Variants in TFIP11 observed in about 807,000 individuals in gnomAD.
TFIP11 encodes the protein tuftelin interacting protein 11, also known as tuftelin-interacting protein 11.
TFIP11 carries 86 observed loss-of-function variants against 96.8 expected under a neutral mutation model. The ratio of observed to expected loss-of-function variants is 0.89; its 90% CI spans 0.75 to 1.06. The LOEUF (loss-of-function observed/expected upper bound fraction) is 1.06, where lower values mean the gene tolerates loss of function less well. TFIP11 is among the 50% of genes least tolerant of loss of function. TFIP11 has a pLI of 0.00. For missense variants in TFIP11, 881 were observed against 1,076.7 expected, an observed-to-expected ratio of 0.82 and a Z score of 2.54; for synonymous variants, 405 against 395.2, an observed-to-expected ratio of 1.02 and a Z score of -0.29.
At chr22:26,496,038 T>A in intron 12 of TFIP11, 35 bp downstream of exon 12, 1 of 1,603,092 alleles carries the variant, frequency 6.2e-7, no homozygotes, top group South Asian at 1.1e-5. Context: ...GCACCAAAGC[T>A]GCTGGGCTTG....
intron 5 of TFIP11, 142 bp from the exon 6 acceptor site, chr22:26,506,601 G>A (rs1392301153): frequency 1.8e-5 from 23 of 1,287,960 alleles, no homozygotes; most frequent in Non-Finnish European, 2.5e-5. Context: ...GTGTGATAAC[G>A]TGTCAGGAAG....
At position 26,501,981 on chromosome 22, in the gene TFIP11, G is replaced by T. The variant is rs781437423; in HGVS notation, c.720C>A (p.Tyr240Ter). The T allele has an allele frequency of 1.2e-6, 2 of 1,613,704 alleles. No individual in the cohort carries two copies. The highest frequency in any genetic ancestry group is 1.3e-5 in the African/African-American group (1 of 74,846). The change falls in exon 8 of 15, where the codon TAC (tyrosine) becomes TAA (stop). Residue 240 changes from tyrosine to a stop codon, truncating the protein, a stop_gained. Coordinates refer to ENST00000407690, the MANE Select transcript of TFIP11 (RefSeq NM_012143.4). LOFTEE classifies it high-confidence loss of function. ...TGGCCTTCAACTCTTCCACGGTCTT[G>T]TAAGAGTATTTGGGCTTCTTCTTGC... ...SGSKKKPKYS[Y>*]KTVEELKAKG...
chr22:26,502,001 T>C lies in TFIP11; in HGVS notation c.700A>G (p.Lys234Glu). Residue 234 changes from lysine to glutamate, a missense_variant, in exon 8 of 15, where the codon AAG becomes GAG. By Grantham distance (56) the Lys-to-Glu change is moderately conservative. Coordinates refer to ENST00000407690, the MANE Select transcript of TFIP11 (RefSeq NM_012143.4). ...GTCTTGTAAGAGTATTTGGGCTTCT[T>C]CTTGCTTCCACTTGGGTCTTTCCTC... Reference protein sequence around the residue: ...QWRKDPSGSKKKPKYSYKTVE... With the variant: ...QWRKDPSGSKEKPKYSYKTVE... The C allele has an allele frequency of 1.2e-6, 2 of 1,613,984 alleles. No individual in the cohort carries two copies. The highest frequency in any genetic ancestry group is 1.7e-6 in the Non-Finnish European group (2 of 1,180,012).
chr22:26,501,894 C>G lies in TFIP11; in HGVS notation c.801+6G>C. 1 of 1,611,366 alleles carries G rather than the reference C, an allele frequency of 6.2e-7. No homozygotes were observed. The highest frequency in any genetic ancestry group is 8.5e-7 in the Non-Finnish European group (1 of 1,178,850). ...TCCTGTACCAGGTGTCCAAGGGCCC[C>G]TGTACCTTGACTTGAGAAAGTTCCT... On this transcript the variant is annotated splice_donor_region_variant and intron_variant, in intron 8 of 14. Transcript: ENST00000407690.
At position 26,495,102 on chromosome 22, in the gene TFIP11, C is replaced by T. The variant is rs187474512; in HGVS notation, c.1850-163G>A. Among the ~76,000 whole-genome samples the T allele has an allele frequency of 3.0e-3, 462 of 152,182 alleles. 3 individuals carry two copies. Among genetic ancestry groups the T allele is most frequent in the African/African-American group, 0.01 (435 of 41,518 alleles). On this transcript the variant is annotated intron_variant, in intron 12 of 14. Transcript: ENST00000407690. ...TCAGCCTCCCGAGTAGCTGGGAGTA[C>T]AGGTGTGCACCACCGTGGCCAACTA...
At chr22:26,503,856 C>T in intron 6 of TFIP11, 63 bp from the exon 7 acceptor site, 1 of 1,583,108 alleles carries the variant, frequency 6.3e-7, no homozygotes, top group Non-Finnish European at 8.6e-7. Context: ...GTATGTGAAT[C>T]AGCCACTCAG....
chr22:26,491,945 A>T lies in TFIP11; in HGVS notation c.*68T>A. 7.1e-7 allele frequency: 1 copy of T among 1,415,524 alleles called. No individual in the cohort carries two copies. The highest frequency in any genetic ancestry group is 9.6e-7 in the Non-Finnish European group (1 of 1,038,806). The allele number at this position is 1,415,524 out of a possible 1,614,324, so 87.7% of individuals were successfully genotyped here. Reference sequence around the variant, plus strand: ...GTTACCCTTTTGAAGGTGATCTAAAAATACTGTTTATTTACAGTACATCCC... The same window carrying T: ...GTTACCCTTTTGAAGGTGATCTAAATATACTGTTTATTTACAGTACATCCC... On this transcript the variant is annotated 3_prime_UTR_variant, in exon 15 of 15. Coordinates refer to ENST00000407690, the MANE Select transcript of TFIP11 (RefSeq NM_012143.4).
intron 12 of TFIP11, among the ~76,000 whole-genome samples, 200 bp downstream of exon 12, chr22:26,495,873 T>A (rs768229547): frequency 6.6e-6 from 1 of 152,112 alleles, no homozygotes; most frequent in African/African-American, 2.4e-5. Context: ...TTAGTGACTG[T>A]TGTAAATAAA....
At chr22:26,502,284 T>C (rs1396806897) in intron 7 of TFIP11, among the ~76,000 whole-genome samples, 1 of 152,100 alleles carries the variant, frequency 6.6e-6, no homozygotes, top group African/African-American at 2.4e-5. Context: ...GTACACCAGA[T>C]GGGAGGGAGA....
rs544215479 is a variant in TFIP11 at position 26,499,151 on chromosome 22, C to T, written c.1282G>A (p.Val428Ile). ...AAGTACTCCTTCATGAGTGGATAGA[C>T]GATGGCCACAGCAAGGTCCACACGG... ...SDRVDLAVAIVYPLMKEYFKE... is the reference protein window; with the variant it reads ...SDRVDLAVAIIYPLMKEYFKE... The change falls in exon 9 of 15, where the codon GTC becomes ATC. Residue 428 changes from valine (V) to isoleucine (I), a missense_variant. Physicochemically the swap from Val to Ile is conservative, Grantham distance 29. Coordinates refer to ENST00000407690, the MANE Select transcript of TFIP11 (RefSeq NM_012143.4). The T allele has an allele frequency of 1.6e-5, 26 of 1,598,934 alleles. No individual in the cohort carries two copies. Among genetic ancestry groups the T allele is most frequent in the African/African-American group, 1.2e-4 (9 of 74,810 alleles).
At chr22:26,495,410 T>C (rs1337243430) in intron 12 of TFIP11, among the ~76,000 whole-genome samples, 2 of 151,346 alleles carry the variant, frequency 1.3e-5, no homozygotes, top group Non-Finnish European at 2.9e-5. Context: ...CCCTAGTAGC[T>C]GGGACGACAG....
At chr22:26,492,456 G>T in intron 14 of TFIP11, 88 bp from the exon 15 acceptor site, 1 of 1,257,064 alleles carries the variant, frequency 8.0e-7, no homozygotes, top group Non-Finnish European at 1.1e-6. Context: ...TCTTGGGTGT[G>T]CCAGAGTGCT....
rs1569165077 is a variant in TFIP11, at chr22:26,506,776, G to A, written c.362C>T (p.Thr121Met). Residue 121 changes from threonine to methionine, a missense_variant and splice_region_variant, in exon 5 of 15, where the codon ACG becomes ATG. Thr to Met is a moderately conservative substitution (Grantham distance 81, BLOSUM62 -1). Coordinates refer to ENST00000407690, the MANE Select transcript of TFIP11 (RefSeq NM_012143.4). ...TCACAATCCTGCAATAGAGACTACC[G>A]TTTTTAGCTTCCTTGGTCCAAAATC... ...PKDFGPRKLK[T>M]GGNFKPSQKG... 15 of 1,614,152 alleles carry A rather than the reference G, an allele frequency of 9.3e-6. No individual in the cohort carries two copies. Among genetic ancestry groups the A allele is most frequent in the East Asian group, 2.2e-5 (1 of 44,888 alleles).
In TFIP11 at chr22:26,502,256, A is replaced by T. The variant is rs138758136; in HGVS notation, c.649-204T>A. Among the ~76,000 whole-genome samples the T allele has an allele frequency of 2.5e-4, 38 of 152,312 alleles. 1 individual carries two copies. The East Asian group carries it at 7.3e-3, about 29-fold the overall frequency. ...GACCCCATTCGCCCTCTTACAAATA[A>T]TGAGGTTCAGAAGGCAGGTACACCA... On this transcript the variant is annotated intron_variant, in intron 7 of 14. Transcript: ENST00000407690.
intron 10 of TFIP11, 118 bp from the exon 11 acceptor site, chr22:26,497,007 CAG>C: frequency 3.2e-6 from 4 of 1,232,168 alleles, no homozygotes; most frequent in Non-Finnish European, 3.4e-6. Context: ...GAAATCCAAT[CAG>C]AGGAAACCAT....
At chr22:26,495,644 A>G (rs77173229) in intron 12 of TFIP11, among the ~76,000 whole-genome samples, 1 of 52,108 alleles carries the variant, frequency 1.9e-5, no homozygotes, top group African/African-American at 5.8e-5. Flanking sequence ...ACATGTGTAT[A>G]TATACATGTA....
At chr22:26,505,632 A>C (rs1480173425) in intron 6 of TFIP11, among the ~76,000 whole-genome samples, 4 of 152,074 alleles carry the variant, frequency 2.6e-5, no homozygotes, top group Non-Finnish European at 5.9e-5. Flanking sequence ...AAAATCTAGA[A>C]TTTTAGGTGA....
intron 2 of TFIP11, chr22:26,511,119 A>T (rs1924000734): frequency 6.6e-6 from 1 of 152,278 alleles, no homozygotes; most frequent in Non-Finnish European, 1.5e-5. Flanking sequence ...ATTAACTCAC[A>T]CGATCAAAAG....
intron 5 of TFIP11, 133 bp from the exon 6 acceptor site, chr22:26,506,592 T>C (rs1923440092): frequency 1.2e-5 from 16 of 1,302,470 alleles, no homozygotes; most frequent in Admixed American, 2.6e-5. Context: ...CAAAAATGTG[T>C]GTGATAACGT....
Sources: allele counts gnomAD v4.1 joint callset (sites outside exome capture counted in the v4.1 genomes callset), GRCh38; gene constraint gnomAD v4.1.1; transcripts MANE v1.5; gene names NCBI Gene and HGNC (gene_info 2026-07-23, HGNC 2026-07-21).